The following CTNND2 variants were observed in gnomAD, a reference collection of about 807,000 sequenced individuals.
CTNND2 encodes catenin delta-2.
Under a neutral mutation model 144.4 loss-of-function variants are expected in CTNND2, and 22 were observed. The ratio of observed to expected loss-of-function variants is 0.15; its 90% CI spans 0.11 to 0.22. The LOEUF is 0.22. CTNND2 is among the 10% of genes least tolerant of loss of function. CTNND2 has a pLI of 1.00. For missense variants in CTNND2, 1,353 were observed against 1,618.8 expected, an observed-to-expected ratio of 0.84 and a Z score of 2.82; for synonymous variants, 751 against 695.6, an observed-to-expected ratio of 1.08 and a Z score of -1.25.
intron 9 of CTNND2, among the ~76,000 whole-genome samples, chr5:11,287,794 A>T (rs1580802898): frequency 6.6e-6 from 1 of 152,194 alleles, no homozygotes; most frequent in Non-Finnish European, 1.5e-5. Flanking sequence ...TAGCATAAGA[A>T]GATAAGTTGA....
intron 12 of CTNND2, among the ~76,000 whole-genome samples, chr5:11,126,983 G>A (rs1425407666): frequency 6.6e-6 from 1 of 152,230 alleles, no homozygotes. Context: ...ACAGGCACAG[G>A]TTTGGGCTAA....
intron 1 of CTNND2, among the ~76,000 whole-genome samples, chr5:11,750,537 C>A (rs1788553762): frequency 6.6e-6 from 1 of 151,844 alleles, no homozygotes; most frequent in African/African-American, 2.4e-5. Context: ...ACAAAAGTTT[C>A]TGAGTTAAAA....
chr5:11,648,406 A>T (rs900130263), intron 2 of CTNND2, among the ~76,000 whole-genome samples: 17 of 151,580 alleles, frequency 1.1e-4, no homozygotes, highest in African/African-American at 4.1e-4. Context: ...AACCTTATCA[A>T]CTCTTGCTAA....
intron 2 of CTNND2, among the ~76,000 whole-genome samples, chr5:11,571,438 T>G (rs982972346): frequency 6.6e-6 from 1 of 152,160 alleles, no homozygotes; most frequent in Non-Finnish European, 1.5e-5. Context: ...CTAAGCAAGA[T>G]TGAGGAGGGG....
chr5:11,364,755 C>G lies in CTNND2; in HGVS notation c.1313G>C (p.Ser438Thr). 6.2e-7 allele frequency: 1 copy of G among 1,613,928 alleles called. No individual in the cohort carries two copies. Among genetic ancestry groups the G allele is most frequent in the Non-Finnish European group, 8.5e-7 (1 of 1,179,918 alleles). Reference protein sequence around the residue: ...VYQKPPMRSLSQSQGDPLPPA... With the variant: ...VYQKPPMRSLTQSQGDPLPPA... Reference sequence around the variant, plus strand: ...CGGCAGAGGGTCCCCCTGGCTCTGGCTGAGACTCCTCATAGGGGGCTTCTG... The same window carrying G: ...CGGCAGAGGGTCCCCCTGGCTCTGGGTGAGACTCCTCATAGGGGGCTTCTG... The change falls in exon 8 of 22, where the codon AGC becomes ACC. Residue 438 changes from serine (S) to threonine (T), a missense_variant. Around this residue, in one of 4 missense-constraint regions of CTNND2, gnomAD observed 708 missense variants for 706.4 expected, o/e 1.00. Transcript: ENST00000304623.
At chr5:11,430,939 G>T (rs1444821219) in intron 3 of CTNND2, among the ~76,000 whole-genome samples, 1 of 152,148 alleles carries the variant, frequency 6.6e-6, no homozygotes, top group Admixed American at 6.5e-5. Context: ...CTAAAATACG[G>T]GTTGTGTATT....
In CTNND2 at chr5:11,873,835, G is replaced by A. The variant is rs543305209; in HGVS notation, c.37+29982C>T. Among the ~76,000 whole-genome samples the A allele has an allele frequency of 4.7e-4, 71 of 152,300 alleles. 1 individual carries two copies. The highest frequency in any genetic ancestry group is 1.6e-3 in the African/African-American group (65 of 41,578). ...CAGCTTCACAGTAGCCTTGCATCAT[G>A]CACTGACCTTCAACACATCCATTCC... On this transcript the variant is annotated intron_variant, in intron 1 of 21. Coordinates refer to ENST00000304623, the MANE Select transcript of CTNND2 (RefSeq NM_001332.4).
At chr5:11,671,248 T>A (rs181739970) in intron 2 of CTNND2, among the ~76,000 whole-genome samples, 3 of 152,164 alleles carry the variant, frequency 2.0e-5, no homozygotes, top group Non-Finnish European at 4.4e-5. Flanking sequence ...CTGACGATTA[T>A]GTGTCATGGG....
intron 3 of CTNND2, among the ~76,000 whole-genome samples, chr5:11,516,781 A>G (rs1772200852): frequency 6.6e-6 from 1 of 152,056 alleles, no homozygotes; most frequent in African/African-American, 2.4e-5. Flanking sequence ...ATCTCTATCA[A>G]GATTTCAGGT....
intron 3 of CTNND2, among the ~76,000 whole-genome samples, chr5:11,442,819 TATA>T (rs201195493): frequency 0.044 from 6,390 of 145,046 alleles, 153 homozygotes; most frequent in African/African-American, 0.048. Flanking sequence ...TTATATAATA[TATA>T]ATGATTATAT....
At chr5:11,806,411 C>T (rs1792002715) in intron 1 of CTNND2, among the ~76,000 whole-genome samples, 1 of 152,172 alleles carries the variant, frequency 6.6e-6, no homozygotes, top group South Asian at 2.1e-4. Context: ...TCACTGCCCA[C>T]ATGTCACTCT....
rs575927867 is a variant in CTNND2, at chr5:11,696,628, A to G, written c.174+35508T>C. On this transcript the variant is annotated intron_variant, in intron 2 of 21. Coordinates refer to ENST00000304623, the MANE Select transcript of CTNND2 (RefSeq NM_001332.4). Reference sequence around the variant, plus strand: ...TTAATGGCTTGTTAGCATAATGTAGATGTAAGAAATGAGCGCTCATTGTTC... The same window carrying G: ...TTAATGGCTTGTTAGCATAATGTAGGTGTAAGAAATGAGCGCTCATTGTTC... Among the ~76,000 whole-genome samples, 5 of 152,332 alleles carry G rather than the reference A, an allele frequency of 3.3e-5. No homozygotes were observed. In the South Asian group the frequency reaches 1.0e-3, roughly 32 times the overall value.
At chr5:11,842,861 A>G (rs1360231780) in intron 1 of CTNND2, among the ~76,000 whole-genome samples, 2 of 152,214 alleles carry the variant, frequency 1.3e-5, no homozygotes, top group Non-Finnish European at 2.9e-5. Flanking sequence ...TCATGTGGCT[A>G]CTAGAAATTT....
At position 11,423,974 on chromosome 5, in the gene CTNND2, T is replaced by A. The variant is rs1762570763; in HGVS notation, c.288-11905A>T. ...GCGCCTTTATACAGCAGAAACCATG[T>A]AATATTCATGTACAACAATTTTTTG... On this transcript the variant is annotated intron_variant, in intron 3 of 21. Coordinates refer to ENST00000304623, the MANE Select transcript of CTNND2 (RefSeq NM_001332.4). 3.9e-5 allele frequency among the ~76,000 whole-genome samples: 6 copies of A among 152,196 alleles called. No individual in the cohort carries two copies. The South Asian group carries it at 1.2e-3, about 32-fold the overall frequency.
intron 2 of CTNND2, among the ~76,000 whole-genome samples, chr5:11,616,188 T>C (rs1780570802): frequency 6.6e-6 from 1 of 152,162 alleles, no homozygotes; most frequent in Non-Finnish European, 1.5e-5. Context: ...TTAATCTCCT[T>C]CTCTCCTCTG....
At chr5:11,599,739 T>C (rs1183193242) in intron 2 of CTNND2, among the ~76,000 whole-genome samples, 1 of 152,100 alleles carries the variant, frequency 6.6e-6, no homozygotes, top group African/African-American at 2.4e-5. Context: ...ATTGCGAAAA[T>C]GGAGTTTAGA....
chr5:11,524,537 A>G (rs1041600583), intron 3 of CTNND2, among the ~76,000 whole-genome samples: 1 of 152,180 alleles, frequency 6.6e-6, no homozygotes, highest in Non-Finnish European at 1.5e-5. Flanking sequence ...GGAACCCTGC[A>G]TTAACACAGT....
chr5:11,553,935 A>T (rs1479188979), intron 3 of CTNND2, among the ~76,000 whole-genome samples: 1 of 152,154 alleles, frequency 6.6e-6, no homozygotes, highest in African/African-American at 2.4e-5. Context: ...CCACACTTCA[A>T]AATTGATATA....
chr5:11,162,372 G>A (rs1441466613), intron 11 of CTNND2, among the ~76,000 whole-genome samples: 1 of 152,102 alleles, frequency 6.6e-6, no homozygotes, highest in Non-Finnish European at 1.5e-5. Flanking sequence ...GAATGGAAAG[G>A]CAGATGCAGT....
Sources: allele counts gnomAD v4.1 joint callset (sites outside exome capture counted in the v4.1 genomes callset), GRCh38; gene constraint gnomAD v4.1.1; regional missense constraint gnomAD v4.1.1; transcripts MANE v1.5; gene names NCBI Gene and HGNC (gene_info 2026-07-23, HGNC 2026-07-21).